LYPD6B: variants seen among roughly 807,000 people sequenced by gnomAD.
LYPD6B encodes ly6/PLAUR domain-containing protein 6B.
Under a neutral mutation model 22.8 loss-of-function variants are expected in LYPD6B, and 17 were observed. The ratio of observed to expected loss-of-function variants is 0.75; its 90% CI spans 0.51 to 1.12. LYPD6B has a LOEUF of 1.12. Among genes scored for constraint, LYPD6B ranks in the 50% most tolerant of loss-of-function variants. LYPD6B has a pLI of 0.00. For missense variants in LYPD6B, 221 were observed against 258.3 expected, an observed-to-expected ratio of 0.86 and a Z score of 0.99; for synonymous variants, 106 against 91.6, an observed-to-expected ratio of 1.16 and a Z score of -0.90.
chr2:149,212,651 GGAGA>G (rs1303504002), intron 5 of LYPD6B, among the ~76,000 whole-genome samples: 1 of 152,070 alleles, frequency 6.6e-6, no homozygotes, highest in African/African-American at 2.4e-5. Context: ...TGCTTCAGAG[GGAGA>G]GAGAGGGCCA....
intron 1 of LYPD6B, among the ~76,000 whole-genome samples, chr2:149,090,369 A>G (rs1278348332): frequency 6.6e-6 from 1 of 152,232 alleles, no homozygotes; most frequent in African/African-American, 2.4e-5. Flanking sequence ...ATGGTGACTT[A>G]CATGGCAGAA....
intron 1 of LYPD6B, among the ~76,000 whole-genome samples, chr2:149,126,224 C>A (rs1687688135): frequency 6.6e-6 from 1 of 152,236 alleles, no homozygotes; most frequent in Middle Eastern, 3.4e-3. Flanking sequence ...TCTGTAGTAT[C>A]ATTTCAGTGT....
In LYPD6B at chr2:149,160,608, C is replaced by G. The variant is rs149541185; in HGVS notation, c.6-156C>G. 1,153 of 686,084 alleles carry G rather than the reference C, an allele frequency of 1.7e-3. 6 individuals are homozygous for G. The African/African-American group carries it at 0.017, about 10-fold the overall frequency. 42.5% of individuals were successfully genotyped at this position (686,084 alleles called of 1,614,324 possible). On this transcript the variant is annotated intron_variant, in intron 2 of 6. Coordinates refer to ENST00000409642, the MANE Select transcript of LYPD6B (RefSeq NM_177964.5). ...TTGACTTGATTCCAGGGATTTCATG[C>G]ATTTGATATTGTTCAATTGACTGTA...
At chr2:149,050,161 G>A (rs565444328) in intron 1 of LYPD6B, among the ~76,000 whole-genome samples, 1 of 152,044 alleles carries the variant, frequency 6.6e-6, no homozygotes, top group South Asian at 2.1e-4. Flanking sequence ...AGCTTGCAAG[G>A]GGTCAGTTCA....
intron 1 of LYPD6B, among the ~76,000 whole-genome samples, chr2:149,058,674 C>T (rs1385553650): frequency 1.3e-5 from 2 of 152,188 alleles, no homozygotes; most frequent in African/African-American, 4.8e-5. Flanking sequence ...GGCTAGAATG[C>T]AGTGATGTCA....
rs575328670 is a variant in LYPD6B at position 149,137,404 on chromosome 2, T to A, written c.5+6451T>A. ...TTCATTTAAGGGTATATCTGGCTTATCTATGCATAAGAAAATATGTGTCTC... is the reference window on the plus strand; with the variant it reads ...TTCATTTAAGGGTATATCTGGCTTAACTATGCATAAGAAAATATGTGTCTC... On this transcript the variant is annotated intron_variant, in intron 2 of 6. Coordinates refer to ENST00000409642, the MANE Select transcript of LYPD6B (RefSeq NM_177964.5). Among the ~76,000 whole-genome samples the A allele has an allele frequency of 4.6e-5, 7 of 152,330 alleles. No individual in the cohort carries two copies. In the South Asian group the frequency reaches 1.4e-3, roughly 32 times the overall value.
Position 149,179,586 on chromosome 2 carries a change from T to A in LYPD6B, c.77+18751T>A, listed in dbSNP as rs115443122. Among the ~76,000 whole-genome samples, 781 of 152,270 alleles carry A rather than the reference T, an allele frequency of 5.1e-3. 8 individuals are homozygous for A. Among genetic ancestry groups the A allele is most frequent in the African/African-American group, 0.018 (757 of 41,546 alleles). On this transcript the variant is annotated intron_variant, in intron 3 of 6. Transcript: ENST00000409642. Reference sequence around the variant, plus strand: ...TGTTGGTGAGTGCCTGAAGGTCATTTTGATTTATTATTTTTTAAACCAGGC... The same window carrying A: ...TGTTGGTGAGTGCCTGAAGGTCATTATGATTTATTATTTTTTAAACCAGGC...
intron 2 of LYPD6B, among the ~76,000 whole-genome samples, chr2:149,157,785 G>A (rs1351688721): frequency 3.3e-5 from 5 of 152,172 alleles, no homozygotes; most frequent in East Asian, 1.9e-4. Flanking sequence ...GTTTGCACAC[G>A]GAAGCCTGGT....
At chr2:149,165,790 A>T (rs1356387518) in intron 3 of LYPD6B, among the ~76,000 whole-genome samples, 5 of 152,166 alleles carry the variant, frequency 3.3e-5, no homozygotes, top group Non-Finnish European at 5.9e-5. Flanking sequence ...ATGCTTCTCA[A>T]GTTAATGGAA....
At chr2:149,181,366 T>C (rs547334561) in intron 3 of LYPD6B, among the ~76,000 whole-genome samples, 1 of 152,316 alleles carries the variant, frequency 6.6e-6, no homozygotes, top group South Asian at 2.1e-4. Flanking sequence ...CCCCTATCCC[T>C]TGTAGCCAGA....
At chr2:149,200,696 C>G (rs1277127952) in intron 3 of LYPD6B, 1 of 152,138 alleles carries the variant, frequency 6.6e-6, no homozygotes, top group Non-Finnish European at 1.5e-5. Flanking sequence ...GCTTCTGGAC[C>G]AAGTGCCAGG....
chr2:149,168,971 C>A (rs935310364), intron 3 of LYPD6B, among the ~76,000 whole-genome samples: 1 of 152,160 alleles, frequency 6.6e-6, no homozygotes, highest in Non-Finnish European at 1.5e-5. Context: ...TAGACAGTTA[C>A]TTGTCATCTA....
intron 1 of LYPD6B, among the ~76,000 whole-genome samples, chr2:149,049,360 C>T (rs561397045): frequency 6.6e-6 from 1 of 151,778 alleles, no homozygotes; most frequent in South Asian, 2.1e-4. Flanking sequence ...TGCACATGCA[C>T]ACACACACAC....
At chr2:149,210,604 C>T (rs1693783617) in intron 5 of LYPD6B, among the ~76,000 whole-genome samples, 1 of 152,202 alleles carries the variant, frequency 6.6e-6, no homozygotes, top group Non-Finnish European at 1.5e-5. Context: ...TACAGCTTCA[C>T]TTCTGTGGTC....
At chr2:149,189,516 A>G (rs931875536) in intron 3 of LYPD6B, among the ~76,000 whole-genome samples, 2 of 151,836 alleles carry the variant, frequency 1.3e-5, no homozygotes, top group African/African-American at 4.8e-5. Context: ...ATCCTTCTAA[A>G]CATGGAATCT....
At position 149,062,759 on chromosome 2, in the gene LYPD6B, A is replaced by G. The variant is rs370112308; in HGVS notation, c.-67+23958A>G. 2.6e-5 allele frequency among the ~76,000 whole-genome samples: 4 copies of G among 152,156 alleles called. No homozygotes were observed. The East Asian group carries it at 7.7e-4, about 29-fold the overall frequency. On this transcript the variant is annotated intron_variant, in intron 1 of 6. Coordinates refer to ENST00000409642, the MANE Select transcript of LYPD6B (RefSeq NM_177964.5). ...TGCTATGCAAATGAAAAGAAAGATC[A>G]TCATGTCCTGTGCTTCAGGGTGTGA...
chr2:149,169,801 G>A (rs553556289), intron 3 of LYPD6B, among the ~76,000 whole-genome samples: 1 of 152,242 alleles, frequency 6.6e-6, no homozygotes, highest in African/African-American at 2.4e-5. Context: ...TCTGTTCCCT[G>A]CCAGCCTGAG....
intron 2 of LYPD6B, among the ~76,000 whole-genome samples, chr2:149,142,587 C>A (rs773006542): frequency 6.6e-6 from 1 of 152,064 alleles, no homozygotes; most frequent in Non-Finnish European, 1.5e-5. Context: ...TTGTTTTTGC[C>A]ACTTTCTTTT....
At chr2:149,080,047 TG>T (rs1276878406) in intron 1 of LYPD6B, among the ~76,000 whole-genome samples, 1 of 152,212 alleles carries the variant, frequency 6.6e-6, no homozygotes, top group Non-Finnish European at 1.5e-5. Flanking sequence ...AGTATATTTT[TG>T]TTAAGAGTTG....
Sources: gnomAD v4.1 joint callset for allele counts (sites outside exome capture counted in the v4.1 genomes callset) on GRCh38, gnomAD v4.1.1 for gene constraint, MANE v1.5 for transcripts, NCBI Gene and HGNC (gene_info 2026-07-23, HGNC 2026-07-21) for gene names.